NUFIP2: variants seen among roughly 807,000 people sequenced by gnomAD.
NUFIP2 encodes FMR1-interacting protein NUFIP2.
In NUFIP2, 6 loss-of-function variants were observed where a neutral mutation model predicts 56.9. The ratio of observed to expected loss-of-function variants is 0.11; its 90% CI spans 0.06 to 0.21. NUFIP2 has a LOEUF of 0.21. NUFIP2 is among the 10% of genes least tolerant of loss of function. The pLI is 1.00. For missense variants in NUFIP2, 828 were observed against 826.8 expected, an observed-to-expected ratio of 1.00 and a Z score of -0.02; for synonymous variants, 321 against 298.2, an observed-to-expected ratio of 1.08 and a Z score of -0.79.
intron 2 of NUFIP2, among the ~76,000 whole-genome samples, chr17:29,275,750 G>T (rs919063279): frequency 1.3e-5 from 2 of 151,990 alleles, no homozygotes; most frequent in Non-Finnish European, 2.9e-5. Context: ...TCTGACAGCC[G>T]GGTGCAGTGG....
intron 2 of NUFIP2, among the ~76,000 whole-genome samples, chr17:29,270,875 A>T (rs1183025347): frequency 6.6e-6 from 1 of 152,116 alleles, no homozygotes; most frequent in Non-Finnish European, 1.5e-5. Context: ...AACCACCTAT[A>T]AGTAACATTT....
At chr17:29,276,261 A>G (rs1355245126) in intron 2 of NUFIP2, among the ~76,000 whole-genome samples, 1 of 152,020 alleles carries the variant, frequency 6.6e-6, no homozygotes. Context: ...ATCTTCAAAC[A>G]CTATTATTTC....
chr17:29,292,536 G>C (rs1443883960), intron 1 of NUFIP2, among the ~76,000 whole-genome samples: 1 of 151,638 alleles, frequency 6.6e-6, no homozygotes, highest in Non-Finnish European at 1.5e-5. Context: ...CGTGACCGGG[G>C]AGCTGGGTTC....
intron 1 of NUFIP2, among the ~76,000 whole-genome samples, chr17:29,288,513 CTT>C (rs758528418): frequency 1.3e-5 from 2 of 152,236 alleles, no homozygotes; most frequent in East Asian, 1.9e-4. Context: ...ATATCTAACA[CTT>C]GTCAACTTTT....
rs183556693 is a variant in NUFIP2 at position 29,267,583 on chromosome 17, A to T, written c.2003-53T>A. 1.2e-4 allele frequency: 133 copies of T among 1,110,688 alleles called. 1 individual carries two copies. The East Asian group carries it at 3.2e-3, about 27-fold the overall frequency. The allele number at this position is 1,110,688 out of a possible 1,614,324, so 68.8% of individuals were successfully genotyped here. A position where few individuals can be genotyped will look rare whatever the true frequency, so the allele number is the denominator to read the frequency against. ...CTAAGTTTTGGTGAGCAAAGTCTGA[A>T]GCGATGCTTTTCATTTTAAATCTAA... On this transcript the variant is annotated intron_variant, in intron 2 of 3. Transcript: ENST00000225388.
rs1240777334 is a variant in NUFIP2 at position 29,286,808 on chromosome 17, T to C, written c.1186A>G (p.Ser396Gly). ...STGETQTQSS[S>G]RLSQVPMSAL... ...GACATAGGGACCTGGGATAAGCGAC[T>C]TGATGATTGGGTCTGAGTTTCCCCG... is the stretch of plus-strand genomic sequence containing the variant. Residue 396 changes from serine to glycine, a missense_variant, in exon 2 of 4, where the codon AGT (serine) becomes GGT (glycine). Coordinates refer to ENST00000225388, the MANE Select transcript of NUFIP2 (RefSeq NM_020772.3). The C allele has an allele frequency of 6.2e-7, 1 of 1,614,184 alleles. No homozygotes were observed. The highest frequency in any genetic ancestry group is 8.5e-7 in the Non-Finnish European group (1 of 1,180,044).
chr17:29,286,878 G>A lies in NUFIP2; in HGVS notation c.1116C>T (p.Asn372=), dbSNP rs748694877. 6.2e-7 allele frequency: 1 copy of A among 1,614,162 alleles called. No individual in the cohort carries two copies. The highest frequency in any genetic ancestry group is 1.1e-5 in the South Asian group (1 of 91,082). The change falls in exon 2 of 4, where the codon AAC becomes AAT. Residue 372 remains asparagine (N), a synonymous_variant. Coordinates refer to ENST00000225388, the MANE Select transcript of NUFIP2 (RefSeq NM_020772.3). ...VKENLNKTIQ[N]SSVSPTSSSS... The stretch of plus-strand genomic sequence containing the variant: ...AAGATGAAGTTGGTGACACAGAAGA[G>A]TTCTGTATAGTTTTGTTGAGGTTTT...
At chr17:29,268,055 C>T (rs1316367893) in intron 2 of NUFIP2, among the ~76,000 whole-genome samples, 2 of 152,090 alleles carry the variant, frequency 1.3e-5, no homozygotes, top group Non-Finnish European at 1.5e-5. Context: ...CCCGCCACCA[C>T]GCCCAGCTAA....
intron 1 of NUFIP2, 29 bp downstream of exon 1, chr17:29,293,754 C>T (rs1414237862): frequency 1.3e-6 from 2 of 1,486,724 alleles, no homozygotes; most frequent in Non-Finnish European, 1.8e-6. Context: ...CCCCCAACCC[C>T]CTTCCCCCAC....
At chr17:29,272,434 GT>G (rs2069080648) in intron 2 of NUFIP2, among the ~76,000 whole-genome samples, 1 of 151,970 alleles carries the variant, frequency 6.6e-6, no homozygotes, top group Non-Finnish European at 1.5e-5. Context: ...TAGAGACGGG[GT>G]TTCACCGTGT....
chr17:29,287,049 A>C lies in NUFIP2; in HGVS notation c.945T>G (p.Phe315Leu). The change falls in exon 2 of 4, where the codon TTT becomes TTG. Residue 315 changes from phenylalanine (F) to leucine (L), a missense_variant. By Grantham distance (22) the Phe-to-Leu change is conservative. Around this residue, in one of 3 missense-constraint regions of NUFIP2, gnomAD observed 415 missense variants for 408.7 expected, o/e 1.02. Coordinates refer to ENST00000225388, the MANE Select transcript of NUFIP2 (RefSeq NM_020772.3). ...CATGCTTTCCTTTGGGCCGATCATC[A>C]AACTTTTTGCTGCTCACACCAGGTT... ...DSKPGVSSKK[F>L]DDRPKGKHAS... The C allele has an allele frequency of 6.2e-7, 1 of 1,614,142 alleles. No individual in the cohort carries two copies. The highest frequency in any genetic ancestry group is 8.5e-7 in the Non-Finnish European group (1 of 1,180,030).
chr17:29,274,007 T>TGAAAAAA (rs2069092340), intron 2 of NUFIP2, among the ~76,000 whole-genome samples: 1 of 151,994 alleles, frequency 6.6e-6, no homozygotes, highest in Non-Finnish European at 1.5e-5. Context: ...GCTCAGGGTA[T>TGAAAAAA]AGATGCAAAA....
rs766923122 is a variant in NUFIP2, at chr17:29,262,296, T to C, written c.*2243A>G. Reference sequence around the variant, plus strand: ...GGCGACAAGTGGTTACACAAGGCAATTGAACACACAGCAGAACTTTAAAAC... The same window carrying C: ...GGCGACAAGTGGTTACACAAGGCAACTGAACACACAGCAGAACTTTAAAAC... On this transcript the variant is annotated 3_prime_UTR_variant, in exon 4 of 4. Transcript: ENST00000225388. 12 of 152,568 alleles carry C rather than the reference T, an allele frequency of 7.9e-5. No homozygotes were observed. The highest frequency in any genetic ancestry group is 1.0e-4 in the Non-Finnish European group (7 of 68,018). 9.5% of individuals were successfully genotyped at this position (152,568 alleles called of 1,614,324 possible).
intron 2 of NUFIP2, among the ~76,000 whole-genome samples, chr17:29,271,557 A>T (rs968275606): frequency 2.0e-5 from 3 of 151,874 alleles, no homozygotes; most frequent in African/African-American, 7.3e-5. Flanking sequence ...AAAGAAAAGT[A>T]AAGAAAGAAA....
chr17:29,284,950 A>T (rs564380806), intron 2 of NUFIP2, among the ~76,000 whole-genome samples: 1 of 152,234 alleles, frequency 6.6e-6, no homozygotes, highest in South Asian at 2.1e-4. Context: ...GCTTCTACTC[A>T]TTTTAATCAA....
rs1422513275 is a variant in NUFIP2 at position 29,257,060 on chromosome 17, T to C, written c.*7479A>G. 1 of 152,176 alleles carries C rather than the reference T, an allele frequency of 6.6e-6. No individual in the cohort carries two copies. Among genetic ancestry groups the C allele is most frequent in the African/African-American group, 2.4e-5 (1 of 41,454 alleles). The allele number at this position is 152,176 out of a possible 1,614,324, so 9.4% of individuals were successfully genotyped here. On this transcript the variant is annotated 3_prime_UTR_variant, in exon 4 of 4. Coordinates refer to ENST00000225388, the MANE Select transcript of NUFIP2 (RefSeq NM_020772.3). ...TGAATTACTTTCCATTTCTATTTGA[T>C]CAAATAAACCAAAATATTACTAAGG... is the stretch of plus-strand genomic sequence containing the variant.
rs2069053494 is a variant in NUFIP2 at position 29,268,678 on chromosome 17, C to CA, written c.2003-1149dup. On this transcript the variant is annotated intron_variant, in intron 2 of 3. Coordinates refer to ENST00000225388, the MANE Select transcript of NUFIP2 (RefSeq NM_020772.3). ...GATTACAGGCATGCGCCACCATGCT[C>CA]AGATAATTTTGTATATATATATTTT... Among the ~76,000 whole-genome samples the CA allele has an allele frequency of 1.3e-5, 2 of 151,938 alleles. 1 individual carries two copies. Among genetic ancestry groups the CA allele is most frequent in the South Asian group, 4.2e-4 (2 of 4,806 alleles).
At position 29,261,714 on chromosome 17, in the gene NUFIP2, G is replaced by A. The variant is rs537469189; in HGVS notation, c.*2825C>T. On this transcript the variant is annotated 3_prime_UTR_variant, in exon 4 of 4. Transcript: ENST00000225388. ...AAGATTGCAACAAATAGAGTTAAGTGTTACCAAACAGCACAAAGAGATTTG... is the reference window on the plus strand; with the variant it reads ...AAGATTGCAACAAATAGAGTTAAGTATTACCAAACAGCACAAAGAGATTTG... The A allele has an allele frequency of 5.2e-5, 8 of 152,608 alleles. No homozygotes were observed. Among genetic ancestry groups the A allele is most frequent in the African/African-American group, 1.9e-4 (8 of 41,516 alleles). 9.5% of individuals were successfully genotyped at this position (152,608 alleles called of 1,614,324 possible). A position where few individuals can be genotyped will look rare whatever the true frequency, so the allele number is the denominator to read the frequency against.
chr17:29,268,509 T>TTATG (rs1275626055), intron 2 of NUFIP2, among the ~76,000 whole-genome samples: 3 of 151,822 alleles, frequency 2.0e-5, no homozygotes, highest in Middle Eastern at 6.3e-3. Context: ...TTTTTTATTT[T>TTATG]TATTTATTTA....
Sources: allele counts gnomAD v4.1 joint callset (sites outside exome capture counted in the v4.1 genomes callset), GRCh38; gene constraint gnomAD v4.1.1; regional missense constraint gnomAD v4.1.1; transcripts MANE v1.5; gene names NCBI Gene and HGNC (gene_info 2026-07-23, HGNC 2026-07-21).